The following METTL22 variants were observed in gnomAD, a reference collection of about 807,000 sequenced individuals.
The protein encoded by METTL22 is methyltransferase-like protein 22.
In METTL22, 51 loss-of-function variants were observed where a neutral mutation model predicts 48.4. The observed-to-expected ratio is 1.05, with a 90% CI of 0.84 to 1.33. The LOEUF is 1.33. METTL22 is among the 40% of genes most tolerant of loss of function. The pLI, the probability that METTL22 is intolerant of heterozygous loss-of-function variation, is 0.00. For missense variants in METTL22, 678 were observed against 526.9 expected (o/e 1.29, Z -2.81); for synonymous variants, 255 against 214.1 (o/e 1.19, Z -1.67).
chr16:8,655,640 C>A, the METTL22 span, among the ~76,000 whole-genome samples: 1 of 152,226 alleles, frequency 6.6e-6, no homozygotes, highest in African/African-American at 2.4e-5. Context: ...GGGACCATCT[C>A]AGAGGCTGCC....
chr16:8,628,333 G>A (rs569183369), intron 2 of METTL22, among the ~76,000 whole-genome samples: 3 of 152,296 alleles, frequency 2.0e-5, no homozygotes, highest in Non-Finnish European at 2.9e-5. Flanking sequence ...GCATAAACCC[G>A]GGATGCTGTG....
At chr16:8,633,970 T>C (rs1299361197) in intron 3 of METTL22, among the ~76,000 whole-genome samples, 1 of 152,206 alleles carries the variant, frequency 6.6e-6, no homozygotes, top group Admixed American at 6.5e-5. Context: ...TTGCATCAGG[T>C]GGTTCGGCAG....
the METTL22 span, among the ~76,000 whole-genome samples, chr16:8,656,350 T>A: frequency 2.6e-5 from 4 of 152,190 alleles, no homozygotes; most frequent in Non-Finnish European, 5.9e-5. Context: ...CCCCACTTCC[T>A]AAATGATTTT....
rs1186081880 is a variant in METTL22 at position 8,648,132 on chromosome 16, G to A, written c.*1989G>A. 6.6e-6 allele frequency: 1 copy of A among 152,364 alleles called. No individual in the cohort carries two copies. The highest frequency in any genetic ancestry group is 1.9e-4 in the East Asian group (1 of 5,182). The allele number at this position is 152,364 out of a possible 1,614,324, so 9.4% of individuals were successfully genotyped here. Reference sequence around the variant, plus strand: ...TAAGGCCAGGAGTTCAACCAGCCTGGACAACAAAGCAAGACCCCATCTCTA... The same window carrying A: ...TAAGGCCAGGAGTTCAACCAGCCTGAACAACAAAGCAAGACCCCATCTCTA... On this transcript the variant is annotated 3_prime_UTR_variant, in exon 11 of 11. Transcript: ENST00000381920.
At chr16:8,656,885 AC>A in the METTL22 span, among the ~76,000 whole-genome samples, 1 of 152,276 alleles carries the variant, frequency 6.6e-6, no homozygotes, top group African/African-American at 2.4e-5. Context: ...AGAAGGCGCC[AC>A]ATGGTAGAAC....
Position 8,624,027 on chromosome 16 carries a change from G to C in METTL22, c.-170-1469G>C, listed in dbSNP as rs370455875. The stretch of plus-strand genomic sequence containing the variant: ...TGTGAGCCAAGGACTCTGCTCAGCA[G>C]TTTACCCACCCAGTAACACTGCGTG... On this transcript the variant is annotated intron_variant, in intron 1 of 10. Transcript: ENST00000381920. The C allele has an allele frequency of 8.2e-4, 125 of 152,320 alleles. 1 individual carries two copies. The highest frequency in any genetic ancestry group is 2.9e-3 in the African/African-American group (122 of 41,566). 9.4% of individuals were successfully genotyped at this position (152,320 alleles called of 1,614,324 possible).
rs912190304 is a variant in METTL22, at chr16:8,640,459, C to T, written c.773-672C>T. On this transcript the variant is annotated intron_variant, in intron 6 of 10. Coordinates refer to ENST00000381920, the MANE Select transcript of METTL22 (RefSeq NM_024109.4). The stretch of plus-strand genomic sequence containing the variant: ...CCTATGTCTGGCACCGTCCCTGACA[C>T]GTAGCACTCAAAAAATGCTGGAAGA... Among the ~76,000 whole-genome samples, 23 of 150,214 alleles carry T rather than the reference C, an allele frequency of 1.5e-4. No homozygotes were observed. In the East Asian group the frequency reaches 2.8e-3, roughly 18 times the overall value.
At chr16:8,636,143 G>C (rs866381594) in intron 5 of METTL22, among the ~76,000 whole-genome samples, 1 of 151,958 alleles carries the variant, frequency 6.6e-6, no homozygotes, top group African/African-American at 2.4e-5. Context: ...GGAATCCCCA[G>C]TGTCTGTGTT....
In METTL22 at chr16:8,646,392, G is replaced by C; in HGVS notation, c.*249G>C. On this transcript the variant is annotated 3_prime_UTR_variant, in exon 11 of 11. Coordinates refer to ENST00000381920, the MANE Select transcript of METTL22 (RefSeq NM_024109.4). ...TCTCATGGTTGTGATGTGTGCTCCA[G>C]GGTCAAGCCGAGCCACGTTCCTTCT... is the stretch of plus-strand genomic sequence containing the variant. The C allele has an allele frequency of 1.5e-6, 1 of 687,034 alleles. No individual in the cohort carries two copies. Among genetic ancestry groups the C allele is most frequent in the Non-Finnish European group, 2.7e-6 (1 of 375,960 alleles). 42.6% of individuals were successfully genotyped at this position (687,034 alleles called of 1,614,324 possible).
chr16:8,640,369 G>C (rs774288422), intron 6 of METTL22, among the ~76,000 whole-genome samples: 1 of 151,998 alleles, frequency 6.6e-6, no homozygotes, highest in Non-Finnish European at 1.5e-5. Flanking sequence ...TGGTTAACCT[G>C]CCAGTCTCTC....
At chr16:8,622,752 T>C (rs62019678) in intron 1 of METTL22, among the ~76,000 whole-genome samples, 14,262 of 152,182 alleles carry the variant, frequency 0.094, 771 homozygotes, top group Middle Eastern at 0.15. Flanking sequence ...GGGCCTGAGA[T>C]AGGTTCAAGA....
In METTL22 at chr16:8,640,946, G is replaced by GTTGA. The variant is rs2056591349; in HGVS notation, c.773-184_773-183insTGAT. On this transcript the variant is annotated intron_variant, in intron 6 of 10. Transcript: ENST00000381920. ...GATGGATGGATGGATGGATGGATGG[G>GTTGA]TGGGTGGATGGCTGGCTGGCTGGCT... 5.7e-5 allele frequency among the ~76,000 whole-genome samples: 2 copies of GTTGA among 35,218 alleles called. 1 individual carries two copies. Among genetic ancestry groups the GTTGA allele is most frequent in the Non-Finnish European group, 1.1e-4 (2 of 18,062 alleles). 23.1% of individuals were successfully genotyped at this position (35,218 alleles called of 152,430 possible).
chr16:8,662,620 C>T, the METTL22 span, among the ~76,000 whole-genome samples: 3 of 143,946 alleles, frequency 2.1e-5, no homozygotes, highest in Admixed American at 7.1e-5. Context: ...CTTCAGAGCT[C>T]ACCAAGAAAG....
At chr16:8,635,396 A>C in intron 5 of METTL22, 84 bp downstream of exon 5, 2 of 1,451,750 alleles carry the variant, frequency 1.4e-6, no homozygotes, top group African/African-American at 1.4e-5. Context: ...AGGCAGAGGC[A>C]CTGGAAATTG....
At chr16:8,639,366 C>T in intron 6 of METTL22, 1 of 600,386 alleles carries the variant, frequency 1.7e-6, no homozygotes, top group Non-Finnish European at 3.0e-6. Context: ...TTCCCAGATC[C>T]ACTGCGTCAT....
intron 6 of METTL22, 28 bp from the exon 7 acceptor site, chr16:8,641,103 A>G (rs755066682): frequency 9.3e-6 from 15 of 1,610,740 alleles, no homozygotes; most frequent in Non-Finnish European, 9.3e-6. Context: ...TAGAGTTTGG[A>G]AAGTTCTCTT....
intron 4 of METTL22, 33 bp from the exon 5 acceptor site, chr16:8,635,135 G>A (rs1194518080): frequency 1.4e-5 from 22 of 1,613,726 alleles, no homozygotes; most frequent in Non-Finnish European, 1.7e-5. Flanking sequence ...AGAGCCTCAC[G>A]CTGCTTGTCG....
In METTL22 at chr16:8,646,104, G is replaced by A. The variant is rs375660463; in HGVS notation, c.1180-4G>A. 16 of 1,436,024 alleles carry A rather than the reference G, an allele frequency of 1.1e-5. No individual in the cohort carries two copies. The highest frequency in any genetic ancestry group is 7.1e-5 in the South Asian group (6 of 84,248). The allele number at this position is 1,436,024 out of a possible 1,614,324, so 89.0% of individuals were successfully genotyped here. A position where few individuals can be genotyped will look rare whatever the true frequency, so the allele number is the denominator to read the frequency against. On this transcript the variant is annotated splice_polypyrimidine_tract_variant and splice_region_variant and intron_variant, in intron 10 of 10. Coordinates refer to ENST00000381920, the MANE Select transcript of METTL22 (RefSeq NM_024109.4). ...AAACCTGTTCTTTTCTCTGTTTGCT[G>A]CAGGAGCTCTGGAAGATCATCGCAG... is the stretch of plus-strand genomic sequence containing the variant.
At chr16:8,643,408 G>A (rs949035391) in intron 9 of METTL22, among the ~76,000 whole-genome samples, 2 of 152,212 alleles carry the variant, frequency 1.3e-5, no homozygotes, top group African/African-American at 4.8e-5. Flanking sequence ...ATGTTAAAGG[G>A]TGATTGTTAA....
Sources: allele counts gnomAD v4.1 joint callset (sites outside exome capture counted in the v4.1 genomes callset), GRCh38; gene constraint gnomAD v4.1.1; transcripts MANE v1.5; gene names NCBI Gene and HGNC (gene_info 2026-07-23, HGNC 2026-07-21).